Variants in KLHL1 observed in about 807,000 individuals in gnomAD.
KLHL1 encodes the protein kelch like family member 1, also known as kelch-like protein 1.
A neutral mutation model predicts 77.7 loss-of-function variants in KLHL1; 47 were observed. The observed-to-expected ratio is 0.60, with a 90% CI of 0.48 to 0.77. The LOEUF is 0.77. Ranked by LOEUF, KLHL1 falls within the 30% of genes least tolerant of loss-of-function variation. KLHL1 has a pLI of 0.00. For missense variants in KLHL1, 925 were observed against 910.8 expected (o/e 1.02, Z -0.20); for synonymous variants, 360 against 325.2 (o/e 1.11, Z -1.15).
chr13:70,063,801 T>C (rs898113233), intron 1 of KLHL1, among the ~76,000 whole-genome samples: 2 of 152,130 alleles, frequency 1.3e-5, no homozygotes, highest in African/African-American at 4.8e-5. Flanking sequence ...GGACTCTAAT[T>C]GCTTATCTGT....
At chr13:70,071,966 C>T (rs78218325) in intron 1 of KLHL1, among the ~76,000 whole-genome samples, 1,555 of 151,958 alleles carry the variant, frequency 0.01, 37 homozygotes, top group African/African-American at 0.031. Flanking sequence ...AAATTCACAA[C>T]AGAAATCAAT....
At chr13:69,782,778 T>G (rs894454802) in intron 7 of KLHL1, among the ~76,000 whole-genome samples, 1 of 152,206 alleles carries the variant, frequency 6.6e-6, no homozygotes, top group East Asian at 1.9e-4. Context: ...CTCTACAGAC[T>G]TAAATGTCCC....
intron 7 of KLHL1, among the ~76,000 whole-genome samples, chr13:69,763,488 T>A (rs1431901038): frequency 6.6e-6 from 1 of 152,204 alleles, no homozygotes; most frequent in Non-Finnish European, 1.5e-5. Context: ...AATGTTTACA[T>A]GTATGCATAT....
rs567466018 is a variant in KLHL1, at chr13:69,815,395, C to T, written c.1415-18433G>A. On this transcript the variant is annotated intron_variant, in intron 6 of 10. Coordinates refer to ENST00000377844, the MANE Select transcript of KLHL1 (RefSeq NM_020866.3). ...GCCATAATAAAGAATGAAATCACGT[C>T]CTTTGCAGCAACATTGATGCAGCTG... 3.9e-5 allele frequency among the ~76,000 whole-genome samples: 6 copies of T among 152,292 alleles called. No individual in the cohort carries two copies. In the East Asian group the frequency reaches 1.2e-3, roughly 29 times the overall value.
chr13:70,021,293 C>A (rs756181021), intron 1 of KLHL1, among the ~76,000 whole-genome samples: 1 of 152,072 alleles, frequency 6.6e-6, no homozygotes, highest in South Asian at 2.1e-4. Context: ...CTTTTCCACT[C>A]ACTAATATGC....
intron 7 of KLHL1, among the ~76,000 whole-genome samples, chr13:69,796,030 T>C (rs1302873947): frequency 6.6e-6 from 1 of 152,168 alleles, no homozygotes; most frequent in African/African-American, 2.4e-5. Context: ...CCTTTCCATG[T>C]TACTTCATTT....
intron 4 of KLHL1, chr13:69,894,878 C>T (rs1003971017): frequency 3.3e-6 from 1 of 298,574 alleles, no homozygotes; most frequent in Admixed American, 3.8e-5. Context: ...TTCACCCTAA[C>T]TAGCACCTCT....
At chr13:69,797,100 A>G in intron 6 of KLHL1, 138 bp from the exon 7 acceptor site, 1 of 661,882 alleles carries the variant, frequency 1.5e-6, no homozygotes, top group Non-Finnish European at 2.6e-6. Flanking sequence ...CAGAAAAACA[A>G]AAGGAGTAGT....
intron 8 of KLHL1, among the ~76,000 whole-genome samples, chr13:69,725,599 C>G (rs1873258775): frequency 6.6e-6 from 1 of 151,946 alleles, no homozygotes; most frequent in Non-Finnish European, 1.5e-5. Flanking sequence ...TAGCCAAACT[C>G]ATTCATACTC....
At chr13:70,062,049 T>C (rs1156441308) in intron 1 of KLHL1, among the ~76,000 whole-genome samples, 1 of 152,182 alleles carries the variant, frequency 6.6e-6, no homozygotes, top group East Asian at 1.9e-4. Context: ...TCATTCCTCC[T>C]GTCTAGTTGT....
chr13:69,943,401 A>C (rs1200682713), intron 3 of KLHL1, among the ~76,000 whole-genome samples: 2 of 152,078 alleles, frequency 1.3e-5, no homozygotes, highest in Non-Finnish European at 2.9e-5. Context: ...TCCAAGCATA[A>C]AAGTGAGCTG....
chr13:69,919,427 A>G (rs1882558666), intron 4 of KLHL1, among the ~76,000 whole-genome samples: 1 of 152,098 alleles, frequency 6.6e-6, no homozygotes, highest in East Asian at 1.9e-4. Flanking sequence ...AATTCTATCC[A>G]TAGAATTTAA....
chr13:69,852,751 T>G (rs1879742736), intron 5 of KLHL1, among the ~76,000 whole-genome samples: 1 of 152,046 alleles, frequency 6.6e-6, no homozygotes, highest in Non-Finnish European at 1.5e-5. Flanking sequence ...AATAAGGGAT[T>G]AAAATAATTC....
chr13:69,727,404 A>G (rs1344813202), intron 8 of KLHL1, among the ~76,000 whole-genome samples: 1 of 152,148 alleles, frequency 6.6e-6, no homozygotes, highest in African/African-American at 2.4e-5. Flanking sequence ...AATAGTGGAC[A>G]GTCACAAGTT....
At chr13:69,933,722 G>A (rs1244892663) in intron 4 of KLHL1, among the ~76,000 whole-genome samples, 4 of 151,838 alleles carry the variant, frequency 2.6e-5, no homozygotes, top group Admixed American at 6.6e-5. Flanking sequence ...TAGTGCCACC[G>A]TCTCTGCCTC....
At chr13:69,807,351 C>T (rs894871918) in intron 6 of KLHL1, among the ~76,000 whole-genome samples, 4 of 152,168 alleles carry the variant, frequency 2.6e-5, no homozygotes, top group African/African-American at 4.8e-5. Flanking sequence ...GCAGCTGCTG[C>T]CTAGCCAAGA....
At chr13:69,785,135 G>T (rs1232298066) in intron 7 of KLHL1, among the ~76,000 whole-genome samples, 1 of 151,446 alleles carries the variant, frequency 6.6e-6, no homozygotes, top group Non-Finnish European at 1.5e-5. Context: ...CTCGTGATCC[G>T]CCCGCCTTGG....
intron 8 of KLHL1, among the ~76,000 whole-genome samples, chr13:69,735,268 G>A (rs1309800853): frequency 2.0e-5 from 3 of 151,376 alleles, no homozygotes; most frequent in Non-Finnish European, 4.4e-5. Context: ...AATAACAACT[G>A]ATATCAGAGA....
intron 1 of KLHL1, among the ~76,000 whole-genome samples, chr13:69,999,857 G>A (rs1175237383): frequency 1.3e-5 from 2 of 152,076 alleles, no homozygotes; most frequent in Non-Finnish European, 2.9e-5. Flanking sequence ...GACCAGACAT[G>A]AAATTTACCT....
Sources: allele counts gnomAD v4.1 joint callset (sites outside exome capture counted in the v4.1 genomes callset), GRCh38; gene constraint gnomAD v4.1.1; transcripts MANE v1.5; gene names NCBI Gene and HGNC (gene_info 2026-07-23, HGNC 2026-07-21).